EVA1C: variants seen among roughly 807,000 people sequenced by gnomAD.
The protein encoded by EVA1C is eva-1 homolog C.
Under a neutral mutation model 45.4 loss-of-function variants are expected in EVA1C, and 25 were observed. The observed-to-expected ratio is 0.55, with a 90% CI of 0.40 to 0.77. The LOEUF (loss-of-function observed/expected upper bound fraction) is 0.77, where lower values mean the gene tolerates loss of function less well. Ranked by LOEUF, EVA1C falls within the 30% of genes least tolerant of loss-of-function variation. The pLI, the probability that EVA1C is intolerant of heterozygous loss-of-function variation, is 0.00. For synonymous variants in EVA1C, 190 were observed against 221.2 expected, an observed-to-expected ratio of 0.86 and a Z score of 1.25; for missense variants, 479 against 554.8, an observed-to-expected ratio of 0.86 and a Z score of 1.37.
At chr21:32,490,189 A>G (rs2037108783) in intron 4 of EVA1C, among the ~76,000 whole-genome samples, 1 of 151,988 alleles carries the variant, frequency 6.6e-6, no homozygotes, top group African/African-American at 2.4e-5. Flanking sequence ...GAATTTTTTC[A>G]TCTTGACAAT....
At chr21:32,422,847 G>T (rs554719524) in intron 1 of EVA1C, among the ~76,000 whole-genome samples, 8 of 151,876 alleles carry the variant, frequency 5.3e-5, no homozygotes, top group Non-Finnish European at 1.2e-4. Flanking sequence ...GGCCGAGGCA[G>T]ATCACTTGAG....
chr21:32,413,164 T>C, intron 1 of EVA1C, 151 bp downstream of exon 1: 1 of 608,758 alleles, frequency 1.6e-6, no homozygotes, highest in Non-Finnish European at 2.4e-6. Flanking sequence ...GCCCTTGGCA[T>C]ATAGATGGCT....
At chr21:32,489,329 C>T (rs866943908) in intron 4 of EVA1C, among the ~76,000 whole-genome samples, 2 of 152,192 alleles carry the variant, frequency 1.3e-5, no homozygotes, top group Admixed American at 6.5e-5. Flanking sequence ...TTTTCCAAAA[C>T]CCCAACACCA....
rs962696854 is a variant in EVA1C at position 32,452,293 on chromosome 21, C to T, written c.161-1019C>T. The T allele has an allele frequency of 1.3e-4, 20 of 152,360 alleles. No homozygotes were observed. Among genetic ancestry groups the T allele is most frequent in the Admixed American group, 3.3e-4 (5 of 15,304 alleles). The allele number at this position is 152,360 out of a possible 1,614,324, so 9.4% of individuals were successfully genotyped here. On this transcript the variant is annotated intron_variant, in intron 1 of 7. Transcript: ENST00000300255. The surrounding 1 kb of genome is among the most constrained non-coding windows in gnomAD (Gnocchi z 4.0). ...AACCATTCAGTGGGCCATCCCAGAC[C>T]GAGGTTTCTGACCCAGACATTGAAA...
At chr21:32,496,288 A>G (rs879198454) in intron 5 of EVA1C, among the ~76,000 whole-genome samples, 2 of 152,112 alleles carry the variant, frequency 1.3e-5, no homozygotes, top group East Asian at 3.8e-4. Flanking sequence ...CTTACTTAGC[A>G]TCTGTTTTCA....
intron 4 of EVA1C, among the ~76,000 whole-genome samples, chr21:32,487,781 C>G (rs2146376674): frequency 6.6e-6 from 1 of 151,828 alleles, no homozygotes; most frequent in South Asian, 2.1e-4. Flanking sequence ...CATGCCCCGT[C>G]CCCAAACCTT....
At chr21:32,514,619 G>A (rs964018492) in intron 7 of EVA1C, among the ~76,000 whole-genome samples, 195 bp from the exon 8 acceptor site, 4 of 152,196 alleles carry the variant, frequency 2.6e-5, no homozygotes, top group East Asian at 1.9e-4. Flanking sequence ...TATTGACTCC[G>A]TAGGCGCAAA....
At position 32,453,411 on chromosome 21, in the gene EVA1C, C is replaced by T. The variant is rs760806503; in HGVS notation, c.260C>T (p.Ser87Leu). Reference sequence around the variant, plus strand: ...CGGCATTCTACGATAAGTGTCCAATCGGCATTTTATGGGCAAGATTACCAA... The same window carrying T: ...CGGCATTCTACGATAAGTGTCCAATTGGCATTTTATGGGCAAGATTACCAA... ...CPRHSTISVQ[S>L]AFYGQDYQMC... Residue 87 changes from serine (S) to leucine (L), a missense_variant, in exon 2 of 8, where the codon TCG (serine) becomes TTG (leucine). Around this residue, in one of 3 missense-constraint regions of EVA1C, gnomAD observed 33 missense variants for 64.9 expected, o/e 0.51. Transcript: ENST00000300255. 49 of 1,611,310 alleles carry T rather than the reference C, an allele frequency of 3.0e-5. No homozygotes were observed. Among genetic ancestry groups the T allele is most frequent in the African/African-American group, 4.0e-5 (3 of 74,848 alleles).
intron 1 of EVA1C, among the ~76,000 whole-genome samples, chr21:32,447,794 C>T (rs569521214): frequency 6.6e-6 from 1 of 152,312 alleles, no homozygotes; most frequent in African/African-American, 2.4e-5. Flanking sequence ...CAACCTCTAC[C>T]TCCCAGATTC....
At chr21:32,440,779 GTCT>G (rs1277948221) in intron 1 of EVA1C, among the ~76,000 whole-genome samples, 1 of 152,148 alleles carries the variant, frequency 6.6e-6, no homozygotes, top group Non-Finnish European at 1.5e-5. Context: ...TGCTCTAGTA[GTCT>G]TCTTCACTGT....
chr21:32,504,410 A>G (rs913013936), intron 7 of EVA1C, among the ~76,000 whole-genome samples: 2 of 152,250 alleles, frequency 1.3e-5, no homozygotes, highest in African/African-American at 4.8e-5. Context: ...ATCATGCCCC[A>G]TGAAGACAGA....
chr21:32,464,431 G>A (rs1280806751), intron 3 of EVA1C, among the ~76,000 whole-genome samples: 1 of 152,180 alleles, frequency 6.6e-6, no homozygotes, highest in Non-Finnish European at 1.5e-5. Flanking sequence ...TGGTCCTCTT[G>A]AGATTCTGTA....
chr21:32,427,097 C>T (rs76774913), intron 1 of EVA1C, among the ~76,000 whole-genome samples: 1 of 152,118 alleles, frequency 6.6e-6, no homozygotes, highest in Non-Finnish European at 1.5e-5. Context: ...CATTCCTGCT[C>T]ACTTTGGTGC....
At chr21:32,456,748 G>A (rs1230071282) in intron 2 of EVA1C, among the ~76,000 whole-genome samples, 1 of 152,062 alleles carries the variant, frequency 6.6e-6, no homozygotes, top group African/African-American at 2.4e-5. Flanking sequence ...CCAAGTTCAG[G>A]ACCTCTGTGT....
chr21:32,461,537 G>A (rs1402306695), intron 3 of EVA1C, among the ~76,000 whole-genome samples: 1 of 152,164 alleles, frequency 6.6e-6, no homozygotes, highest in Non-Finnish European at 1.5e-5. Context: ...GTCTGAGCAG[G>A]ACACTGTGAT....
At chr21:32,487,507 G>A (rs1012692685) in intron 4 of EVA1C, among the ~76,000 whole-genome samples, 10 of 152,114 alleles carry the variant, frequency 6.6e-5, no homozygotes, top group African/African-American at 2.4e-4. Context: ...ATCACCTGAA[G>A]TCAGAAGTTC....
At chr21:32,507,758 GC>G (rs2037796414) in intron 7 of EVA1C, among the ~76,000 whole-genome samples, 1 of 151,094 alleles carries the variant, frequency 6.6e-6, no homozygotes, top group Non-Finnish European at 1.5e-5. Context: ...ATATGTGTTT[GC>G]GTGTGTGTGC....
At chr21:32,503,528 C>T (rs1166329716) in intron 6 of EVA1C, among the ~76,000 whole-genome samples, 2 of 115,960 alleles carry the variant, frequency 1.7e-5, no homozygotes, top group African/African-American at 7.7e-5. Flanking sequence ...GCCTGGGCAA[C>T]AAGAGTGAAA....
At position 32,505,591 on chromosome 21, in the gene EVA1C, G is replaced by A. The variant is rs1359349408; in HGVS notation, c.949+1576G>A. ...TAGCCAGCCCAGCTGCCATAACAAA[G>A]TACCCGAGACCAGATGGCCTAAATA... is the stretch of plus-strand genomic sequence containing the variant. On this transcript the variant is annotated intron_variant, in intron 7 of 7. Transcript: ENST00000300255. Among the ~76,000 whole-genome samples the A allele has an allele frequency of 2.6e-5, 4 of 152,236 alleles. No individual in the cohort carries two copies. In the South Asian group the frequency reaches 8.3e-4, roughly 32 times the overall value.
Sources: gnomAD v4.1 joint callset for allele counts (sites outside exome capture counted in the v4.1 genomes callset) on GRCh38, gnomAD v4.1.1 for gene constraint, gnomAD v4.1.1 regional missense constraint, Gnocchi (gnomAD v3.1) non-coding constraint, MANE v1.5 for transcripts, NCBI Gene and HGNC (gene_info 2026-07-23, HGNC 2026-07-21) for gene names.